Variants in DACH1 observed in about 807,000 individuals in gnomAD.
The protein encoded by DACH1 is dachshund homolog 1.
In DACH1, 12 loss-of-function variants were observed where a neutral mutation model predicts 54.2. The ratio of observed to expected loss-of-function variants is 0.22; its 90% CI spans 0.14 to 0.36. The LOEUF is 0.36. DACH1 is among the 10% of genes least tolerant of loss of function. The pLI is 1.00. For synonymous variants in DACH1, 386 were observed against 366.2 expected, an observed-to-expected ratio of 1.05 and a Z score of -0.62; for missense variants, 805 against 929.8, an observed-to-expected ratio of 0.87 and a Z score of 1.75.
chr13:71,488,712 T>C (rs1566291387), intron 7 of DACH1, among the ~76,000 whole-genome samples: 1 of 151,784 alleles, frequency 6.6e-6, no homozygotes, highest in African/African-American at 2.4e-5. Flanking sequence ...TAGTTGGTAA[T>C]AAAGAGAGCA....
At chr13:71,623,850 G>A (rs892125512) in intron 3 of DACH1, among the ~76,000 whole-genome samples, 3 of 151,782 alleles carry the variant, frequency 2.0e-5, no homozygotes, top group Admixed American at 6.6e-5. Flanking sequence ...GTTTTTGGCT[G>A]TGTCTAGAAG....
intron 1 of DACH1, among the ~76,000 whole-genome samples, chr13:71,809,423 G>A (rs1468316985): frequency 1.3e-5 from 2 of 151,932 alleles, no homozygotes; most frequent in African/African-American, 4.8e-5. Flanking sequence ...CTCCCACTTC[G>A]GCCTCCCAAA....
chr13:71,677,374 T>A (rs1437859139), intron 2 of DACH1, among the ~76,000 whole-genome samples: 1 of 152,158 alleles, frequency 6.6e-6, no homozygotes, highest in African/African-American at 2.4e-5. Flanking sequence ...TGCTATGGCA[T>A]CCGGTGACAA....
At chr13:71,461,119 C>T (rs1876032548) in intron 10 of DACH1, among the ~76,000 whole-genome samples, 1 of 151,946 alleles carries the variant, frequency 6.6e-6, no homozygotes, top group South Asian at 2.1e-4. Context: ...AATGTTCTTC[C>T]TTCAAATCAT....
intron 6 of DACH1, among the ~76,000 whole-genome samples, chr13:71,526,337 T>C (rs1328601162): frequency 2.0e-5 from 3 of 152,120 alleles, no homozygotes. Context: ...AATAAACATG[T>C]AAGGTCTTTT....
At chr13:71,511,014 C>T (rs984538794) in intron 6 of DACH1, among the ~76,000 whole-genome samples, 6 of 151,960 alleles carry the variant, frequency 3.9e-5, no homozygotes, top group African/African-American at 1.2e-4. Flanking sequence ...AATGTTTATA[C>T]AAATTCATTA....
chr13:71,818,768 A>G (rs1201119778), intron 1 of DACH1, among the ~76,000 whole-genome samples: 1 of 152,242 alleles, frequency 6.6e-6, no homozygotes, highest in Non-Finnish European at 1.5e-5. Context: ...TTGAAAGTGG[A>G]TTCTCCTTTG....
At chr13:71,445,727 T>C (rs994342528) in intron 10 of DACH1, among the ~76,000 whole-genome samples, 5 of 152,272 alleles carry the variant, frequency 3.3e-5, no homozygotes, top group Admixed American at 2.0e-4. Context: ...TCAATAAAAG[T>C]CTGTAGGAAC....
rs574979220 is a variant in DACH1 at position 71,777,243 on chromosome 13, T to A, written c.848+88679A>T. Among the ~76,000 whole-genome samples, 45 of 148,864 alleles carry A rather than the reference T, an allele frequency of 3.0e-4. 1 individual carries two copies. In the South Asian group the frequency reaches 9.4e-3, roughly 31 times the overall value. On this transcript the variant is annotated intron_variant, in intron 1 of 10. Coordinates refer to ENST00000613252, the MANE Select transcript of DACH1 (RefSeq NM_080759.6). ...GGAAACATTTCCACCTTCTTCTTCTTGTCCGTACGGTATAGCCTTAAAGAG... is the reference window on the plus strand; with the variant it reads ...GGAAACATTTCCACCTTCTTCTTCTAGTCCGTACGGTATAGCCTTAAAGAG...
intron 2 of DACH1, among the ~76,000 whole-genome samples, chr13:71,657,117 T>C (rs1205929435): frequency 6.6e-6 from 1 of 151,400 alleles, no homozygotes; most frequent in Non-Finnish European, 1.5e-5. Context: ...TCAAGTCAAC[T>C]AACTAACCTG....
At chr13:71,469,576 T>TTAGTGTGAC (rs1218799690) in intron 10 of DACH1, among the ~76,000 whole-genome samples, 1 of 152,158 alleles carries the variant, frequency 6.6e-6, no homozygotes, top group African/African-American at 2.4e-5. Context: ...CAATAAACTC[T>TTAGTGTGAC]TAGTGTGACT....
intron 1 of DACH1, among the ~76,000 whole-genome samples, chr13:71,804,122 C>G (rs1188813097): frequency 6.6e-6 from 1 of 151,930 alleles, no homozygotes; most frequent in African/African-American, 2.4e-5. Context: ...AGTTAGAGAC[C>G]AACCTGGGCA....
intron 7 of DACH1, among the ~76,000 whole-genome samples, chr13:71,480,469 T>C (rs1223155913): frequency 1.3e-5 from 2 of 152,200 alleles, no homozygotes; most frequent in East Asian, 1.9e-4. Context: ...TATGGAAATA[T>C]GTTAAACATA....
chr13:71,748,930 TTCTTTCTTTCTTTCTTTCTTTCTC>T (rs1566477034), intron 1 of DACH1, among the ~76,000 whole-genome samples: 5 of 45,022 alleles, frequency 1.1e-4, no homozygotes, highest in African/African-American at 2.1e-4. Flanking sequence ...CTTTCTTTCT[TTCTTTCTTTCTTTCTTTCTTTCTC>T]TCTTTCTTTC....
At chr13:71,770,684 C>T (rs1366898799) in intron 1 of DACH1, among the ~76,000 whole-genome samples, 1 of 151,474 alleles carries the variant, frequency 6.6e-6, no homozygotes, top group African/African-American at 2.4e-5. Context: ...AGAACGTCCC[C>T]CTAAAGTAGG....
chr13:71,509,878 T>TATCTTATACTCAACAGAGTATAAGA (rs1880632170), intron 6 of DACH1, among the ~76,000 whole-genome samples: 1 of 152,170 alleles, frequency 6.6e-6, no homozygotes, highest in African/African-American at 2.4e-5. Context: ...TTTTCAAGAG[T>TATCTTATACTCAACAGAGTATAAGA]TAACTATACT....
intron 1 of DACH1, among the ~76,000 whole-genome samples, chr13:71,797,039 C>T (rs1406776091): frequency 2.0e-5 from 3 of 151,456 alleles, no homozygotes; most frequent in African/African-American, 7.3e-5. Context: ...TAACATAATC[C>T]TCTCGTATGT....
intron 1 of DACH1, among the ~76,000 whole-genome samples, chr13:71,838,071 G>A (rs1352326119): frequency 2.1e-5 from 3 of 145,016 alleles, no homozygotes; most frequent in Admixed American, 1.5e-4. Flanking sequence ...GGCTTGGATA[G>A]CTTAAACTTC....
chr13:71,727,802 A>G (rs918492495), intron 1 of DACH1, among the ~76,000 whole-genome samples: 3 of 152,096 alleles, frequency 2.0e-5, no homozygotes, highest in Non-Finnish European at 4.4e-5. Flanking sequence ...AATCAGCTGC[A>G]AGTATATGCT....
Sources: allele counts gnomAD v4.1 joint callset (sites outside exome capture counted in the v4.1 genomes callset), GRCh38; gene constraint gnomAD v4.1.1; transcripts MANE v1.5; gene names NCBI Gene and HGNC (gene_info 2026-07-23, HGNC 2026-07-21).